The following DYNC2H1 variants were observed in gnomAD, a reference collection of about 807,000 sequenced individuals.
DYNC2H1 encodes the protein cytoplasmic dynein 2 heavy chain 1.
A neutral mutation model predicts 570.0 loss-of-function variants in DYNC2H1; 410 were observed. The ratio of observed to expected loss-of-function variants is 0.72; its 90% CI spans 0.66 to 0.78. DYNC2H1 has a LOEUF of 0.78. Among genes scored for constraint, DYNC2H1 ranks in the 30% least tolerant of loss-of-function variants. DYNC2H1 has a pLI of 0.00. For missense variants in DYNC2H1, 4,865 were observed against 5,046.4 expected, an observed-to-expected ratio of 0.96 and a Z score of 1.09; for synonymous variants, 1,688 against 1,677.6, an observed-to-expected ratio of 1.01 and a Z score of -0.15.
At chr11:103,233,888 C>G (rs376728480) in intron 60 of DYNC2H1, 146 bp from the exon 61 acceptor site, 4 of 451,128 alleles carry the variant, frequency 8.9e-6, no homozygotes, top group Non-Finnish European at 1.5e-5. Flanking sequence ...GGGTTTGTCT[C>G]TTCTATTAAT....
intron 88 of DYNC2H1, among the ~76,000 whole-genome samples, chr11:103,476,767 C>G (rs1476347638): frequency 6.6e-6 from 1 of 151,882 alleles, no homozygotes; most frequent in Admixed American, 6.6e-5. Context: ...GGGAGAGAGA[C>G]AGAGAGAGGA....
At chr11:103,198,445 C>G (rs1862587116) in intron 48 of DYNC2H1, among the ~76,000 whole-genome samples, 1 of 152,104 alleles carries the variant, frequency 6.6e-6, no homozygotes, top group African/African-American at 2.4e-5. Context: ...CCCAGGTAGT[C>G]CAGATGTCTA....
intron 70 of DYNC2H1, among the ~76,000 whole-genome samples, chr11:103,269,607 G>A (rs951007791): frequency 1.3e-5 from 2 of 152,094 alleles, no homozygotes; most frequent in Non-Finnish European, 1.5e-5. Flanking sequence ...AATTTAGACT[G>A]TTAATAAACT....
At chr11:103,161,715 T>C (rs1591339638) in intron 29 of DYNC2H1, among the ~76,000 whole-genome samples, 2 of 152,194 alleles carry the variant, frequency 1.3e-5, no homozygotes, top group African/African-American at 4.8e-5. Flanking sequence ...CTTTACTCTT[T>C]AAAATATGAA....
Position 103,145,825 on chromosome 11 carries a change from C to T in DYNC2H1, c.2703-1947C>T, listed in dbSNP as rs1852886704. ...AGTCATCTTCCATTTCTATCTATGG[C>T]TGAACAGAATCTCAGTTTCATATTG... is the stretch of plus-strand genomic sequence containing the variant. On this transcript the variant is annotated intron_variant, in intron 18 of 88. Coordinates refer to ENST00000375735, the MANE Select transcript of DYNC2H1 (RefSeq NM_001377.3). This position sits in a 1 kb window ranked among gnomAD's most constrained non-coding sequence, Gnocchi z 4.2. 6.6e-6 allele frequency among the ~76,000 whole-genome samples: 1 copy of T among 152,146 alleles called. No individual in the cohort carries two copies. Among genetic ancestry groups the T allele is most frequent in the Non-Finnish European group, 1.5e-5 (1 of 68,024 alleles).
chr11:103,351,035 A>C (rs1940028011), intron 82 of DYNC2H1, among the ~76,000 whole-genome samples: 1 of 152,210 alleles, frequency 6.6e-6, no homozygotes, highest in Non-Finnish European at 1.5e-5. Context: ...ACAGCAAACT[A>C]TCCCAAAACT....
chr11:103,135,513 A>T lies in DYNC2H1; in HGVS notation c.2224A>T (p.Met742Leu). The T allele has an allele frequency of 6.4e-7, 1 of 1,570,172 alleles. No individual in the cohort carries two copies. Among genetic ancestry groups the T allele is most frequent in the South Asian group, 1.2e-5 (1 of 80,998 alleles). Residue 742 changes from methionine to leucine, a missense_variant, in exon 16 of 89, where the codon ATG (methionine) becomes TTG (leucine). Met to Leu is a conservative substitution (Grantham distance 15). Around this residue, in one of 5 missense-constraint regions of DYNC2H1, gnomAD observed 1,936 missense variants for 1,962.1 expected, o/e 0.99. Coordinates refer to ENST00000375735, the MANE Select transcript of DYNC2H1 (RefSeq NM_001377.3). ...VEAQGFQASD[M>L]HAWKQHWNHQ... ...ATATTAGGGATTCCAAGCAAGTGAC[A>T]TGCATGCATGGAAACAACACTGGAA...
Position 103,176,347 on chromosome 11 carries a change from T to G in DYNC2H1, c.5787T>G (p.Ile1929Met), listed in dbSNP as rs1360201117. 1.9e-5 allele frequency: 30 copies of G among 1,588,606 alleles called. No individual in the cohort carries two copies. Among genetic ancestry groups the G allele is most frequent in the Non-Finnish European group, 2.5e-5 (29 of 1,167,366 alleles). Residue 1929 changes from isoleucine to methionine, a missense_variant, in exon 37 of 89, where the codon ATT (isoleucine) becomes ATG (methionine). Ile to Met is a conservative substitution (Grantham distance 10, BLOSUM62 1). This residue lies in a region of DYNC2H1 where 292 missense variants were observed against 300.2 expected (regional missense o/e 0.97). Transcript: ENST00000375735. ...DALIKDVFPG[I>M]ELKEVEYDEL... Reference sequence around the variant, plus strand: ...TGATAAAAGATGTCTTTCCGGGAATTGAATTGAAAGAAGTGGAATATGATG... The same window carrying G: ...TGATAAAAGATGTCTTTCCGGGAATGGAATTGAAAGAAGTGGAATATGATG...
intron 68 of DYNC2H1, among the ~76,000 whole-genome samples, chr11:103,257,396 C>A (rs900083239): frequency 4.4e-4 from 67 of 152,116 alleles, no homozygotes; most frequent in African/African-American, 1.5e-3. Context: ...ATATTCTTTG[C>A]AGTTTTATAA....
rs1042191187 is a variant in DYNC2H1 at position 103,137,207 on chromosome 11, C to T, written c.2574+1259C>T. Among the ~76,000 whole-genome samples, 6 of 148,764 alleles carry T rather than the reference C, an allele frequency of 4.0e-5. No homozygotes were observed. In the South Asian group the frequency reaches 1.1e-3, roughly 27 times the overall value. On this transcript the variant is annotated intron_variant, in intron 17 of 88. Transcript: ENST00000375735. Reference sequence around the variant, plus strand: ...TTCACTCTGATGGTAGTTTCTTTTGCTGTGCAGAAGCTCTTTAGTTGAATT... The same window carrying T: ...TTCACTCTGATGGTAGTTTCTTTTGTTGTGCAGAAGCTCTTTAGTTGAATT...
At chr11:103,237,738 T>A (rs200611883) in intron 63 of DYNC2H1, among the ~76,000 whole-genome samples, 1 of 147,914 alleles carries the variant, frequency 6.8e-6, no homozygotes. Context: ...GATTGCAAAT[T>A]AAAAAAAAAA....
chr11:103,211,759 AAGTT>A (rs1440478335), intron 53 of DYNC2H1, 26 bp from the exon 54 acceptor site: 1 of 949,810 alleles, frequency 1.1e-6, no homozygotes, highest in Non-Finnish European at 1.5e-6. Context: ...TACATATAAT[AAGTT>A]ATTTTTATTT....
rs572505514 is a variant in DYNC2H1 at position 103,465,478 on chromosome 11, A to G, written c.12649-3111A>G. 6.6e-6 allele frequency among the ~76,000 whole-genome samples: 1 copy of G among 151,992 alleles called. No individual in the cohort carries two copies. Among genetic ancestry groups the G allele is most frequent in the Admixed American group, 6.6e-5 (1 of 15,250 alleles). ...TTTGTTTTTTTTTTTAATCTGTGGC[A>G]CATGAGTTTGAGTTAGCATTTGCTC... On this transcript the variant is annotated intron_variant, in intron 87 of 88. Transcript: ENST00000375735. This position sits in a 1 kb window ranked among gnomAD's most constrained non-coding sequence, Gnocchi z 4.9.
At position 103,228,631 on chromosome 11, in the gene DYNC2H1, GTTT is replaced by G. The variant is rs71465388; in HGVS notation, c.9354-2626_9354-2624del. On this transcript the variant is annotated intron_variant, in intron 59 of 88. Coordinates refer to ENST00000375735, the MANE Select transcript of DYNC2H1 (RefSeq NM_001377.3). This position sits in a 1 kb window ranked among gnomAD's most constrained non-coding sequence, Gnocchi z 6.1. ...GAACTCTGTGATGGTCATTGGTTGTGTTTTTGTTTAGTGTGCTGGTTTTGTGTT... is the reference window on the plus strand; with the variant it reads ...GAACTCTGTGATGGTCATTGGTTGTGTTGTTTAGTGTGCTGGTTTTGTGTT... Among the ~76,000 whole-genome samples, 13,707 of 152,152 alleles carry G rather than the reference GTTT, an allele frequency of 0.09. 858 individuals carry two copies. Among genetic ancestry groups the G allele is most frequent in the East Asian group, 0.21 (1,097 of 5,158 alleles).
intron 75 of DYNC2H1, among the ~76,000 whole-genome samples, chr11:103,293,851 C>T (rs890114940): frequency 2.6e-5 from 4 of 151,944 alleles, no homozygotes; most frequent in Non-Finnish European, 4.4e-5. Context: ...CCGAGTTGGG[C>T]GGATCACTTG....
chr11:103,417,388 A>G (rs910084157), intron 84 of DYNC2H1, among the ~76,000 whole-genome samples: 9 of 152,142 alleles, frequency 5.9e-5, no homozygotes, highest in Non-Finnish European at 1.2e-4. Flanking sequence ...GGCGTGAGCC[A>G]TCACACCTGG....
chr11:103,216,737 C>T (rs643945), intron 55 of DYNC2H1, among the ~76,000 whole-genome samples: 141,742 of 152,036 alleles, frequency 0.93, 66,104 homozygotes, highest in African/African-American at 0.94. Flanking sequence ...GGTTGCACAA[C>T]GAGCTGAAAT....
At chr11:103,342,508 CT>C (rs3076506) in intron 82 of DYNC2H1, among the ~76,000 whole-genome samples, 2,051 of 144,376 alleles carry the variant, frequency 0.014, 20 homozygotes, top group African/African-American at 0.02. Flanking sequence ...TCTGTGCCAC[CT>C]TTTTTTTTTT....
At chr11:103,292,120 T>C (rs923653305) in intron 75 of DYNC2H1, among the ~76,000 whole-genome samples, 17 of 152,026 alleles carry the variant, frequency 1.1e-4, no homozygotes, top group African/African-American at 4.1e-4. Context: ...ATTTTGTTTT[T>C]TTGTTTTCTG....
Sources: allele counts gnomAD v4.1 joint callset (sites outside exome capture counted in the v4.1 genomes callset), GRCh38; gene constraint gnomAD v4.1.1; regional missense constraint gnomAD v4.1.1; non-coding constraint Gnocchi (gnomAD v3.1); transcripts MANE v1.5; gene names NCBI Gene and HGNC (gene_info 2026-07-23, HGNC 2026-07-21).